Variants in PAQR5 observed in about 807,000 individuals in gnomAD.
PAQR5 encodes the protein membrane progestin receptor gamma.
In PAQR5, 20 loss-of-function variants were observed where a neutral mutation model predicts 34.5. That is an observed-to-expected ratio of 0.58 (90% CI 0.41 to 0.84). The LOEUF (loss-of-function observed/expected upper bound fraction) is 0.84. PAQR5 is among the 40% of genes least tolerant of loss of function. PAQR5 has a pLI of 0.00. For missense variants in PAQR5, 378 were observed against 412.7 expected, an observed-to-expected ratio of 0.92 and a Z score of 0.73; for synonymous variants, 131 against 155.6, an observed-to-expected ratio of 0.84 and a Z score of 1.18.
intron 6 of PAQR5, among the ~76,000 whole-genome samples, chr15:69,394,491 AATG>A (rs2056359562): frequency 6.6e-6 from 1 of 152,154 alleles, no homozygotes; most frequent in Non-Finnish European, 1.5e-5. Flanking sequence ...TCTGCAATAG[AATG>A]ATTTTTCCAA....
intron 2 of PAQR5, among the ~76,000 whole-genome samples, chr15:69,353,278 G>A (rs1484243153): frequency 6.6e-6 from 1 of 152,222 alleles, no homozygotes; most frequent in Non-Finnish European, 1.5e-5. Context: ...GGAAGAGGCA[G>A]TGTTTTTTCC....
chr15:69,387,650 T>G (rs1448433465), intron 5 of PAQR5, among the ~76,000 whole-genome samples: 5 of 152,112 alleles, frequency 3.3e-5, no homozygotes, highest in African/African-American at 1.2e-4. Flanking sequence ...AAGTGACAGG[T>G]CACACAGCTG....
intron 6 of PAQR5, chr15:69,397,226 C>T (rs866651170): frequency 3.0e-6 from 2 of 657,970 alleles, no homozygotes; most frequent in East Asian, 6.0e-5. Context: ...GTCTGGACAC[C>T]ACTGCTTCCC....
chr15:69,324,042 C>T (rs2140624470), intron 1 of PAQR5, among the ~76,000 whole-genome samples: 1 of 146,810 alleles, frequency 6.8e-6, no homozygotes, highest in East Asian at 2.0e-4. Context: ...TTTTTCTCTG[C>T]AATGTGCTAG....
intron 4 of PAQR5, 23 bp downstream of exon 4, chr15:69,380,033 G>A (rs753114630): frequency 8.7e-6 from 14 of 1,612,606 alleles, no homozygotes; most frequent in African/African-American, 4.0e-5. Flanking sequence ...CCCCTCGACC[G>A]GCCTGTCTCC....
chr15:69,395,745 C>T (rs115989429), intron 6 of PAQR5, among the ~76,000 whole-genome samples: 2,220 of 152,180 alleles, frequency 0.015, 48 homozygotes, highest in African/African-American at 0.051. Context: ...CACAGTGCTG[C>T]GCTGCCTCAC....
intron 7 of PAQR5, among the ~76,000 whole-genome samples, chr15:69,398,618 T>C (rs1233096319): frequency 6.6e-6 from 1 of 152,274 alleles, no homozygotes; most frequent in African/African-American, 2.4e-5. Flanking sequence ...AGCTGGGGCA[T>C]TGAGCACGTT....
intron 3 of PAQR5, among the ~76,000 whole-genome samples, chr15:69,361,449 C>A (rs1458827449): frequency 2.0e-5 from 3 of 152,132 alleles, no homozygotes; most frequent in African/African-American, 7.2e-5. Flanking sequence ...TCACTTCCAT[C>A]ACGAGGGAGT....
rs751471392 is a variant in PAQR5 at position 69,403,559 on chromosome 15, C to T, written c.752-22C>T. 64 of 1,611,452 alleles carry T rather than the reference C, an allele frequency of 4.0e-5. 1 individual carries two copies. The highest frequency in any genetic ancestry group is 1.9e-4 in the African/African-American group (14 of 74,828). On this transcript the variant is annotated intron_variant, in intron 8 of 8. Coordinates refer to ENST00000395407, the MANE Select transcript of PAQR5 (RefSeq NM_017705.4). ...CATTCCTTTTCATTGCTGATCTTGA[C>T]GGCCTTTTGTGTTTGCCATAGGTCA... is the stretch of plus-strand genomic sequence containing the variant.
At chr15:69,340,319 T>C (rs1369324630) in intron 2 of PAQR5, among the ~76,000 whole-genome samples, 1 of 152,208 alleles carries the variant, frequency 6.6e-6, no homozygotes, top group East Asian at 1.9e-4. Context: ...GTACTTACCT[T>C]TACTCTGCAA....
chr15:69,308,528 A>G (rs1442435597), intron 1 of PAQR5, among the ~76,000 whole-genome samples: 1 of 152,128 alleles, frequency 6.6e-6, no homozygotes, highest in African/African-American at 2.4e-5. Flanking sequence ...CTTCTATGCA[A>G]CAGATGCCAG....
At chr15:69,400,800 T>G (rs750267718) in intron 8 of PAQR5, among the ~76,000 whole-genome samples, 6 of 152,130 alleles carry the variant, frequency 3.9e-5, no homozygotes. Flanking sequence ...AGCATCTTTC[T>G]TTGTCTTGAG....
chr15:69,362,359 T>C (rs1317911501), intron 3 of PAQR5, among the ~76,000 whole-genome samples: 1 of 152,220 alleles, frequency 6.6e-6, no homozygotes, highest in African/African-American at 2.4e-5. Flanking sequence ...TGCCCAGGGT[T>C]CATGAAGCCA....
Position 69,354,870 on chromosome 15 carries a change from C to G in PAQR5, c.-115-5096C>G, listed in dbSNP as rs552663088. ...CAAAAAGAGGAAATTCAAATTCTCT[C>G]TCTTTTTCTCCTGGAGCTGGGTCAC... is the stretch of plus-strand genomic sequence containing the variant. On this transcript the variant is annotated intron_variant, in intron 2 of 8. Coordinates refer to ENST00000395407, the MANE Select transcript of PAQR5 (RefSeq NM_017705.4). Among the ~76,000 whole-genome samples, 3 of 152,306 alleles carry G rather than the reference C, an allele frequency of 2.0e-5. No homozygotes were observed. In the East Asian group the frequency reaches 5.8e-4, roughly 29 times the overall value.
At chr15:69,387,231 C>T (rs942776639) in intron 5 of PAQR5, among the ~76,000 whole-genome samples, 5 of 152,234 alleles carry the variant, frequency 3.3e-5, no homozygotes, top group Non-Finnish European at 5.9e-5. Flanking sequence ...CCCTCGGTTG[C>T]CCGCCCCGGA....
At chr15:69,350,198 C>T (rs1048814630) in intron 2 of PAQR5, among the ~76,000 whole-genome samples, 7 of 152,230 alleles carry the variant, frequency 4.6e-5, no homozygotes, top group Admixed American at 1.3e-4. Flanking sequence ...TGGTTGTGGG[C>T]AGCAGAGGCA....
At chr15:69,393,627 T>C (rs1267434021) in intron 6 of PAQR5, among the ~76,000 whole-genome samples, 1 of 152,094 alleles carries the variant, frequency 6.6e-6, no homozygotes, top group Non-Finnish European at 1.5e-5. Flanking sequence ...TCCTGCTCCA[T>C]CCGGCTGCAG....
At chr15:69,343,712 G>A (rs1287379018) in intron 2 of PAQR5, among the ~76,000 whole-genome samples, 1 of 152,146 alleles carries the variant, frequency 6.6e-6, no homozygotes, top group Non-Finnish European at 1.5e-5. Context: ...AAAATTGGCA[G>A]CATTTGTGGG....
At chr15:69,362,082 G>A (rs1167758300) in intron 3 of PAQR5, among the ~76,000 whole-genome samples, 1 of 152,180 alleles carries the variant, frequency 6.6e-6, no homozygotes, top group African/African-American at 2.4e-5. Context: ...AGGGGGCAGA[G>A]TGGTATCAAT....
Sources: gnomAD v4.1 joint callset for allele counts (sites outside exome capture counted in the v4.1 genomes callset) on GRCh38, gnomAD v4.1.1 for gene constraint, MANE v1.5 for transcripts, NCBI Gene and HGNC (gene_info 2026-07-23, HGNC 2026-07-21) for gene names.